FAM227A: variants seen among roughly 807,000 people sequenced by gnomAD.
FAM227A encodes protein FAM227A.
Under a neutral mutation model 74.7 loss-of-function variants are expected in FAM227A, and 80 were observed. The observed-to-expected ratio is 1.07, with a 90% confidence interval of 0.89 to 1.29. The LOEUF is 1.29. Among genes scored for constraint, FAM227A ranks in the 50% most tolerant of loss-of-function variants. The pLI is 0.00. For missense variants in FAM227A, 654 were observed against 683.4 expected (o/e 0.96, Z 0.48); for synonymous variants, 237 against 241.8 (o/e 0.98, Z 0.19).
chr22:38,624,508 G>A (rs1002617607), intron 9 of FAM227A, among the ~76,000 whole-genome samples: 17 of 152,212 alleles, frequency 1.1e-4, no homozygotes, highest in African/African-American at 3.9e-4. Flanking sequence ...AACCTGGCTA[G>A]TAAACAGTTT....
chr22:38,618,452 A>G (rs571025241), intron 11 of FAM227A: 1 of 152,276 alleles, frequency 6.6e-6, no homozygotes, highest in South Asian at 2.1e-4. Flanking sequence ...GTCTTGTCAC[A>G]TCTCCACAAT....
chr22:38,625,986 ACTGTTTTGAG>A (rs1019369850), intron 9 of FAM227A, among the ~76,000 whole-genome samples, 184 bp downstream of exon 9: 2 of 151,910 alleles, frequency 1.3e-5, no homozygotes, highest in Non-Finnish European at 2.9e-5. Flanking sequence ...ATGTCTCAGA[ACTGTTTTGAG>A]GAAGCAGGAA....
chr22:38,595,983 A>C (rs893083408), intron 15 of FAM227A, among the ~76,000 whole-genome samples: 5 of 148,840 alleles, frequency 3.4e-5, no homozygotes, highest in African/African-American at 1.3e-4. Flanking sequence ...GGGGGGGGGC[A>C]GGATACTGTT....
chr22:38,646,539 G>A (rs1196071945), intron 2 of FAM227A, among the ~76,000 whole-genome samples: 1 of 151,884 alleles, frequency 6.6e-6, no homozygotes, highest in Non-Finnish European at 1.5e-5. Context: ...TGGGATTACA[G>A]GCGTGAGCCA....
intron 11 of FAM227A, among the ~76,000 whole-genome samples, chr22:38,617,109 C>A (rs2091594053): frequency 6.6e-6 from 1 of 152,000 alleles, no homozygotes; most frequent in African/African-American, 2.4e-5. Flanking sequence ...TAGGGCAGTA[C>A]AGTGGTGCGG....
chr22:38,587,453 A>G (rs995382246), intron 16 of FAM227A, among the ~76,000 whole-genome samples: 2 of 152,360 alleles, frequency 1.3e-5, no homozygotes, highest in African/African-American at 4.8e-5. Context: ...AAGAGAATAC[A>G]AATGCCAATA....
At chr22:38,621,433 C>T (rs550457980) in intron 10 of FAM227A, among the ~76,000 whole-genome samples, 10 of 148,184 alleles carry the variant, frequency 6.7e-5, no homozygotes, top group South Asian at 6.4e-4. Flanking sequence ...ACAGGGAAAT[C>T]GTATCTATGA....
rs941750206 is a variant in FAM227A, at chr22:38,584,544, T to G, written c.*1581A>C. 1 of 152,260 alleles carries G rather than the reference T, an allele frequency of 6.6e-6. No homozygotes were observed. Among genetic ancestry groups the G allele is most frequent in the African/African-American group, 2.4e-5 (1 of 41,414 alleles). 9.4% of individuals were successfully genotyped at this position (152,260 alleles called of 1,614,324 possible). A position where few individuals can be genotyped will look rare whatever the true frequency, so the allele number is the denominator to read the frequency against. ...CTTTGGAAGGACAAGGCAGGAGGAT[T>G]ACTTGAAGCCAGGAGTTCGAGACCA... On this transcript the variant is annotated 3_prime_UTR_variant, in exon 17 of 17. Coordinates refer to ENST00000535113, the MANE Select transcript of FAM227A (RefSeq NM_001013647.2).
chr22:38,613,192 A>G (rs2091471657), intron 11 of FAM227A, among the ~76,000 whole-genome samples: 5 of 83,370 alleles, frequency 6.0e-5, no homozygotes, highest in African/African-American at 2.6e-4. Context: ...TATAATATAT[A>G]TATATTATAT....
chr22:38,614,187 T>TC (rs1243167035), intron 11 of FAM227A, among the ~76,000 whole-genome samples: 1 of 152,190 alleles, frequency 6.6e-6, no homozygotes, highest in African/African-American at 2.4e-5. Context: ...GACACAGAGT[T>TC]GAGCTACTGT....
At chr22:38,640,738 AGTCACAGAG>A (rs1171772556) in intron 3 of FAM227A, among the ~76,000 whole-genome samples, 1 of 152,208 alleles carries the variant, frequency 6.6e-6, no homozygotes, top group African/African-American at 2.4e-5. Context: ...GGGCCAGAGC[AGTCACAGAG>A]GACTGTCCAG....
rs5750626 is a variant in FAM227A, at chr22:38,581,885, G to C, written c.*4240C>G. On this transcript the variant is annotated 3_prime_UTR_variant, in exon 17 of 17. Coordinates refer to ENST00000535113, the MANE Select transcript of FAM227A (RefSeq NM_001013647.2). ...AGCCTCCCTAGTAGCTAGGACTATA[G>C]GTATGCACTACCACATCGGACTAAT... The C allele has an allele frequency of 0.26, 40,741 of 158,848 alleles. 5,706 individuals carry two copies. The highest frequency in any genetic ancestry group is 0.36 in the East Asian group (1,955 of 5,394). The allele number at this position is 158,848 out of a possible 1,614,324, so 9.8% of individuals were successfully genotyped here.
chr22:38,588,491 C>T (rs1602833929), intron 16 of FAM227A, among the ~76,000 whole-genome samples: 1 of 151,016 alleles, frequency 6.6e-6, no homozygotes, highest in African/African-American at 2.4e-5. Context: ...TGGTGGTGCA[C>T]ACCTGTAGTC....
chr22:38,628,018 C>T (rs563358260), intron 8 of FAM227A, among the ~76,000 whole-genome samples: 101 of 151,848 alleles, frequency 6.7e-4, no homozygotes, highest in Non-Finnish European at 1.1e-3. Flanking sequence ...TAGAGTTGTA[C>T]AAATTGCTTT....
intron 5 of FAM227A, 74 bp from the exon 6 acceptor site, chr22:38,636,671 C>CT: frequency 7.5e-7 from 1 of 1,338,086 alleles, no homozygotes; most frequent in Non-Finnish European, 1.0e-6. Flanking sequence ...AGCTTCCCCT[C>CT]TTTATTATGA....
Position 38,582,364 on chromosome 22 carries a change from ATCT to A in FAM227A, c.*3758_*3760del. 1 of 1,550,520 alleles carries A rather than the reference ATCT, an allele frequency of 6.4e-7. No homozygotes were observed. Among genetic ancestry groups the A allele is most frequent in the Non-Finnish European group, 8.7e-7 (1 of 1,146,864 alleles). On this transcript the variant is annotated 3_prime_UTR_variant, in exon 17 of 17. Coordinates refer to ENST00000535113, the MANE Select transcript of FAM227A (RefSeq NM_001013647.2). ...CTCTTCTAGTTTAACATCTGAATTT[ATCT>A]TCTTCCATGCTGAGAGTATGGGTTT...
chr22:38,636,445 C>T lies in FAM227A; in HGVS notation c.519+6G>A. The T allele has an allele frequency of 6.5e-7, 1 of 1,550,086 alleles. No homozygotes were observed. The highest frequency in any genetic ancestry group is 8.7e-7 in the Non-Finnish European group (1 of 1,146,500). ...AAACTCAGGGCAGGCACTGCTTTTT[C>T]CTCACCTTGCCACTAAGGCAGTCTC... is the stretch of plus-strand genomic sequence containing the variant. On this transcript the variant is annotated splice_donor_region_variant and intron_variant, in intron 6 of 16. Coordinates refer to ENST00000535113, the MANE Select transcript of FAM227A (RefSeq NM_001013647.2).
chr22:38,608,082 A>C (rs2091326037), intron 11 of FAM227A, among the ~76,000 whole-genome samples: 1 of 151,680 alleles, frequency 6.6e-6, no homozygotes, highest in Non-Finnish European at 1.5e-5. Flanking sequence ...AGAGACTCAA[A>C]ATAACAGTGG....
chr22:38,640,187 C>A (rs1046601255), intron 3 of FAM227A, among the ~76,000 whole-genome samples: 9 of 152,052 alleles, frequency 5.9e-5, no homozygotes, highest in Admixed American at 5.2e-4. Context: ...GCGCCTGCCA[C>A]CACGCCCGGC....
Sources: allele counts gnomAD v4.1 joint callset (sites outside exome capture counted in the v4.1 genomes callset), GRCh38; gene constraint gnomAD v4.1.1; transcripts MANE v1.5; gene names NCBI Gene and HGNC (gene_info 2026-07-23, HGNC 2026-07-21).